CNTNAP2: variants seen among roughly 807,000 people sequenced by gnomAD.
The protein encoded by CNTNAP2 is contactin associated protein 2, also known as contactin-associated protein-like 2.
In CNTNAP2, 98 loss-of-function variants were observed where a neutral mutation model predicts 155.2. The ratio of observed to expected loss-of-function variants is 0.63; its 90% CI spans 0.54 to 0.75. The LOEUF (loss-of-function observed/expected upper bound fraction) is 0.75. Among genes scored for constraint, CNTNAP2 ranks in the 30% least tolerant of loss-of-function variants. The probability of loss-of-function intolerance (pLI) is 0.00; values close to 1 mark genes in which losing one functional copy is unlikely to be tolerated. For missense variants in CNTNAP2, 1,727 were observed against 1,688.1 expected, an observed-to-expected ratio of 1.02 and a Z score of -0.40; for synonymous variants, 651 against 631.2, an observed-to-expected ratio of 1.03 and a Z score of -0.47.
At chr7:147,842,068 T>C (rs377523779) in intron 13 of CNTNAP2, among the ~76,000 whole-genome samples, 5 of 152,366 alleles carry the variant, frequency 3.3e-5, no homozygotes, top group Admixed American at 2.0e-4. Context: ...TATGTTTCAC[T>C]TCACATGTGT....
chr7:147,564,395 T>C (rs1225608165), intron 12 of CNTNAP2, among the ~76,000 whole-genome samples: 2 of 152,160 alleles, frequency 1.3e-5, no homozygotes, highest in African/African-American at 4.8e-5. Context: ...CTTTTTTATA[T>C]ACCTTCATTT....
At chr7:147,763,130 A>G (rs1473374595) in intron 13 of CNTNAP2, among the ~76,000 whole-genome samples, 2 of 151,976 alleles carry the variant, frequency 1.3e-5, no homozygotes, top group East Asian at 3.9e-4. Context: ...ATGGAGGCGC[A>G]TGCCTGTAAT....
intron 8 of CNTNAP2, among the ~76,000 whole-genome samples, chr7:147,248,629 C>T (rs183559690): frequency 6.6e-6 from 1 of 152,320 alleles, no homozygotes; most frequent in Admixed American, 6.5e-5. Context: ...GTTGAGACTA[C>T]TCTAGTTTGG....
chr7:146,938,773 G>A lies in CNTNAP2; in HGVS notation c.402+98869G>A, dbSNP rs543943250. On this transcript the variant is annotated intron_variant, in intron 3 of 23. Coordinates refer to ENST00000361727, the MANE Select transcript of CNTNAP2 (RefSeq NM_014141.6). ...AGCTTCTCGAGGGACAAAAAATTAC[G>A]CATTTCATTTTTATTTTGTGTGCTC... Among the ~76,000 whole-genome samples the A allele has an allele frequency of 5.9e-5, 9 of 151,844 alleles. No homozygotes were observed. The South Asian group carries it at 1.0e-3, about 18-fold the overall frequency.
intron 13 of CNTNAP2, among the ~76,000 whole-genome samples, chr7:147,784,587 G>C (rs1797710665): frequency 7.6e-6 from 1 of 131,532 alleles, no homozygotes; most frequent in South Asian, 2.7e-4. Flanking sequence ...GGTGAGCAGA[G>C]TGGGAAATGA....
At chr7:146,667,962 T>C (rs187875886) in intron 1 of CNTNAP2, among the ~76,000 whole-genome samples, 1 of 152,266 alleles carries the variant, frequency 6.6e-6, no homozygotes, top group Admixed American at 6.5e-5. Flanking sequence ...GGATGCCCTT[T>C]AATTTTCATT....
chr7:147,630,371 C>T (rs986643139), intron 12 of CNTNAP2, among the ~76,000 whole-genome samples: 2 of 146,266 alleles, frequency 1.4e-5, no homozygotes, highest in South Asian at 2.2e-4. Flanking sequence ...CAGACGGATT[C>T]GCAGCTGAAT....
chr7:146,166,242 C>A (rs931713263), intron 1 of CNTNAP2, among the ~76,000 whole-genome samples: 2 of 152,008 alleles, frequency 1.3e-5, no homozygotes, highest in African/African-American at 2.4e-5. Flanking sequence ...TACAGGCACC[C>A]ACCACCATGC....
At chr7:147,270,806 A>C (rs534203713) in intron 8 of CNTNAP2, among the ~76,000 whole-genome samples, 1 of 152,286 alleles carries the variant, frequency 6.6e-6, no homozygotes, top group Admixed American at 6.5e-5. Context: ...AGAGTCCAGG[A>C]ATCTTTTCCT....
intron 2 of CNTNAP2, among the ~76,000 whole-genome samples, chr7:146,780,395 T>C (rs1203737560): frequency 2.0e-5 from 3 of 152,056 alleles, no homozygotes; most frequent in African/African-American, 7.2e-5. Context: ...TTCACCATGT[T>C]AGCCAGGATC....
chr7:148,067,843 C>T (rs902111983), intron 15 of CNTNAP2, among the ~76,000 whole-genome samples: 6 of 152,106 alleles, frequency 3.9e-5, no homozygotes, highest in Non-Finnish European at 7.4e-5. Flanking sequence ...TTGAGGATGG[C>T]GGTGTGGTTC....
intron 1 of CNTNAP2, among the ~76,000 whole-genome samples, chr7:146,394,934 T>C (rs1390167228): frequency 6.6e-6 from 1 of 152,134 alleles, no homozygotes; most frequent in African/African-American, 2.4e-5. Flanking sequence ...TTTTCCACTC[T>C]CGATGATCAT....
chr7:146,997,193 T>C (rs539496027), intron 3 of CNTNAP2, among the ~76,000 whole-genome samples: 11 of 152,288 alleles, frequency 7.2e-5, no homozygotes, highest in Admixed American at 6.5e-4. Flanking sequence ...TCCCATTTAA[T>C]ATGTTAGTTG....
At chr7:147,869,659 C>T (rs531352567) in intron 13 of CNTNAP2, among the ~76,000 whole-genome samples, 6 of 152,298 alleles carry the variant, frequency 3.9e-5, no homozygotes, top group African/African-American at 1.2e-4. Context: ...TCATAACTGA[C>T]TCTTGATCCG....
intron 13 of CNTNAP2, among the ~76,000 whole-genome samples, chr7:147,852,953 G>T (rs1798975477): frequency 1.3e-5 from 2 of 152,082 alleles, no homozygotes; most frequent in Admixed American, 1.3e-4. Flanking sequence ...GCTCAAGTAG[G>T]ACCAGGGAAA....
chr7:147,808,205 T>G (rs1228829600), intron 13 of CNTNAP2, among the ~76,000 whole-genome samples: 1 of 152,146 alleles, frequency 6.6e-6, no homozygotes. Context: ...ATTCTGTACC[T>G]CTTTGCAATT....
chr7:146,917,761 G>A (rs1246601631), intron 3 of CNTNAP2, among the ~76,000 whole-genome samples: 1 of 152,076 alleles, frequency 6.6e-6, no homozygotes, highest in Non-Finnish European at 1.5e-5. Flanking sequence ...GAGTTTTCCT[G>A]TACAATTTCT....
intron 3 of CNTNAP2, among the ~76,000 whole-genome samples, chr7:146,950,158 CT>C (rs35469146): frequency 0.022 from 3,402 of 152,176 alleles, 51 homozygotes; most frequent in Non-Finnish European, 0.032. Context: ...CATCTAACAA[CT>C]TTCTGAAATA....
intron 8 of CNTNAP2, among the ~76,000 whole-genome samples, chr7:147,287,188 C>T (rs1271686357): frequency 1.3e-5 from 2 of 152,048 alleles, no homozygotes; most frequent in Non-Finnish European, 2.9e-5. Context: ...TGCAACATTA[C>T]TAAGAAGAAA....
Sources: allele counts gnomAD v4.1 joint callset (sites outside exome capture counted in the v4.1 genomes callset), GRCh38; gene constraint gnomAD v4.1.1; transcripts MANE v1.5; gene names NCBI Gene and HGNC (gene_info 2026-07-23, HGNC 2026-07-21).